KLF7: variants seen among roughly 807,000 people sequenced by gnomAD.
The protein encoded by KLF7 is KLF transcription factor 7, also known as Krueppel-like factor 7.
KLF7 carries 2 observed loss-of-function variants against 27.3 expected under a neutral mutation model. The ratio of observed to expected loss-of-function variants is 0.07; its 90% CI spans 0.03 to 0.23. The LOEUF is 0.23. KLF7 is among the 10% of genes least tolerant of loss of function. The pLI, the probability that KLF7 is intolerant of heterozygous loss-of-function variation, is 1.00. For missense variants in KLF7, 221 were observed against 394.1 expected, an observed-to-expected ratio of 0.56 and a Z score of 3.72; for synonymous variants, 165 against 162.4, an observed-to-expected ratio of 1.02 and a Z score of -0.12.
chr2:207,157,458 A>G (rs1483754645), intron 1 of KLF7, among the ~76,000 whole-genome samples: 1 of 152,180 alleles, frequency 6.6e-6, no homozygotes, highest in Non-Finnish European at 1.5e-5. Flanking sequence ...AACAAAAATA[A>G]AGACAGAAGC....
intron 2 of KLF7, among the ~76,000 whole-genome samples, chr2:207,121,230 C>G (rs1393106073): frequency 1.3e-5 from 2 of 152,180 alleles, no homozygotes; most frequent in Non-Finnish European, 2.9e-5. Flanking sequence ...TCCCATTGAT[C>G]AACCACTGGG....
intron 2 of KLF7, among the ~76,000 whole-genome samples, chr2:207,103,811 G>C (rs1487272083): frequency 6.6e-6 from 1 of 152,252 alleles, no homozygotes; most frequent in Non-Finnish European, 1.5e-5. Flanking sequence ...AATGTGAAGA[G>C]AGATGCTTTC....
intron 2 of KLF7, among the ~76,000 whole-genome samples, chr2:207,119,481 TGAA>T (rs987874294): frequency 6.6e-6 from 1 of 151,610 alleles, no homozygotes; most frequent in African/African-American, 2.4e-5. Context: ...ATATTGGAAG[TGAA>T]GGTTACTTTT....
At chr2:207,114,342 T>C (rs936215544) in intron 2 of KLF7, among the ~76,000 whole-genome samples, 2 of 152,234 alleles carry the variant, frequency 1.3e-5, no homozygotes, top group Admixed American at 1.3e-4. Flanking sequence ...CAACAGAAGT[T>C]CAGTACAGGT....
At chr2:207,157,868 C>T (rs191691573) in intron 1 of KLF7, among the ~76,000 whole-genome samples, 22 of 152,100 alleles carry the variant, frequency 1.4e-4, no homozygotes, top group East Asian at 1.4e-3. Context: ...GATCATGAGA[C>T]GAATAATCAC....
intron 2 of KLF7, among the ~76,000 whole-genome samples, chr2:207,098,500 T>TA (rs1480431705): frequency 6.6e-6 from 1 of 152,190 alleles, no homozygotes; most frequent in Non-Finnish European, 1.5e-5. Context: ...ATTTGATTAT[T>TA]AAAAAACGTC....
rs146760831 is a variant in KLF7, at chr2:207,115,418, T to C, written c.733+8356A>G. Among the ~76,000 whole-genome samples, 640 of 152,316 alleles carry C rather than the reference T, an allele frequency of 4.2e-3. 1 individual carries two copies. The highest frequency in any genetic ancestry group is 0.015 in the African/African-American group (606 of 41,570). On this transcript the variant is annotated intron_variant, in intron 2 of 3. Transcript: ENST00000309446. ...AGCTTATTCTCATTGCAGACATCCTTAAATAATTGAAGTGCTTTCACCTCC... is the reference window on the plus strand; with the variant it reads ...AGCTTATTCTCATTGCAGACATCCTCAAATAATTGAAGTGCTTTCACCTCC...
chr2:207,157,368 A>G (rs1486920728), intron 1 of KLF7, among the ~76,000 whole-genome samples: 2 of 152,106 alleles, frequency 1.3e-5, no homozygotes, highest in Admixed American at 6.6e-5. Context: ...CACCCATTTG[A>G]AAGTTAAGGA....
chr2:207,166,198 G>A, upstream of KLF7: 2 of 985,450 alleles, frequency 2.0e-6, no homozygotes, highest in Non-Finnish European at 2.4e-6. Flanking sequence ...ACCATGTAAG[G>A]TAAACAGGGG....
chr2:207,128,867 A>G (rs113166776), intron 1 of KLF7, among the ~76,000 whole-genome samples: 4 of 152,248 alleles, frequency 2.6e-5, no homozygotes. Flanking sequence ...GAGAAGAATA[A>G]GGAGATATGG....
rs758861776 is a variant in KLF7 at position 207,124,156 on chromosome 2, A to G, written c.351T>C (p.Ser117=). The G allele has an allele frequency of 1.9e-6, 3 of 1,614,166 alleles. No homozygotes were observed. In the South Asian group the frequency reaches 3.3e-5, roughly 18 times the overall value. Residue 117 remains serine (S), a synonymous_variant, in exon 2 of 4, where the codon TCT becomes TCC. Coordinates refer to ENST00000309446, the MANE Select transcript of KLF7 (RefSeq NM_003709.4). ...ETCLSLQPAS[S]SLDSYTAVNQ... ...TGACGGCTGTGTAGCTGTCTAGAGAAGAGCTGGCCGGCTGGAGGCTGAGGC... is the reference window on the plus strand; with the variant it reads ...TGACGGCTGTGTAGCTGTCTAGAGAGGAGCTGGCCGGCTGGAGGCTGAGGC...
chr2:207,088,974 C>T (rs528525500), intron 2 of KLF7, among the ~76,000 whole-genome samples: 1 of 152,256 alleles, frequency 6.6e-6, no homozygotes, highest in Admixed American at 6.5e-5. Context: ...ACAAATGCTT[C>T]TAATTCTATT....
chr2:207,114,598 A>G (rs1305172834), intron 2 of KLF7, among the ~76,000 whole-genome samples: 1 of 152,226 alleles, frequency 6.6e-6, no homozygotes, highest in African/African-American at 2.4e-5. Context: ...AGACACAGAT[A>G]GAATCCTGCA....
At chr2:207,132,514 T>C (rs2077663482) in intron 1 of KLF7, among the ~76,000 whole-genome samples, 1 of 152,232 alleles carries the variant, frequency 6.6e-6, no homozygotes, top group Non-Finnish European at 1.5e-5. Flanking sequence ...ATATGTTTCC[T>C]TGGGGAGGTG....
At chr2:207,167,794 T>C (rs780555420), upstream of KLF7, among the ~76,000 whole-genome samples, 1 of 152,228 alleles carries the variant, frequency 6.6e-6, no homozygotes. Context: ...ACAGAAATAG[T>C]GGGATCCGCG....
At chr2:207,087,827 G>A (rs1029803006) in intron 3 of KLF7, among the ~76,000 whole-genome samples, 8 of 152,110 alleles carry the variant, frequency 5.3e-5, no homozygotes, top group Non-Finnish European at 8.8e-5. Flanking sequence ...CTGTTGCTAC[G>A]TGCTCTTTCT....
chr2:207,113,609 G>GGGT (rs1412774233), intron 2 of KLF7, among the ~76,000 whole-genome samples: 1 of 55,880 alleles, frequency 1.8e-5, no homozygotes, highest in Non-Finnish European at 3.7e-5. Flanking sequence ...ATGGGGGGTG[G>GGGT]GGGGGGGGGG....
At chr2:207,145,856 A>T (rs1405061924) in intron 1 of KLF7, among the ~76,000 whole-genome samples, 1 of 152,348 alleles carries the variant, frequency 6.6e-6, no homozygotes, top group East Asian at 1.9e-4. Context: ...AAAGGAAGAA[A>T]GAGATAAGGA....
At chr2:207,170,200 G>T (rs192523040), upstream of KLF7, among the ~76,000 whole-genome samples, 3 of 152,204 alleles carry the variant, frequency 2.0e-5, no homozygotes, top group Non-Finnish European at 4.4e-5. Context: ...CTGATATGGA[G>T]AACGTTTTAG....
Sources: gnomAD v4.1 joint callset for allele counts (sites outside exome capture counted in the v4.1 genomes callset) on GRCh38, gnomAD v4.1.1 for gene constraint, MANE v1.5 for transcripts, NCBI Gene and HGNC (gene_info 2026-07-23, HGNC 2026-07-21) for gene names.